MFSD11: variants seen among roughly 807,000 people sequenced by gnomAD.
MFSD11 encodes UNC93-like protein MFSD11.
Under a neutral mutation model 53.5 loss-of-function variants are expected in MFSD11, and 36 were observed. The ratio of observed to expected loss-of-function variants is 0.67; its 90% CI spans 0.52 to 0.89. The LOEUF (loss-of-function observed/expected upper bound fraction) is 0.89. Among genes scored for constraint, MFSD11 ranks in the 40% least tolerant of loss-of-function variants. The pLI is 0.00. For missense variants in MFSD11, 530 were observed against 543.9 expected (o/e 0.97, Z 0.25); for synonymous variants, 186 against 184.9 (o/e 1.01, Z -0.05).
At chr17:76,738,047 C>G (rs1025973014), upstream of MFSD11, 4 of 398,828 alleles carry the variant, frequency 1.0e-5, no homozygotes, top group African/African-American at 4.1e-5. Context: ...GCGGCTGGCA[C>G]TTGGCCCTTT....
chr17:76,772,847 G>GA (rs2081490715), intron 10 of MFSD11, among the ~76,000 whole-genome samples: 2 of 152,130 alleles, frequency 1.3e-5, no homozygotes, highest in Non-Finnish European at 2.9e-5. Flanking sequence ...TTTGTTCTTA[G>GA]ATGTAGTTCA....
At chr17:76,763,271 G>T (rs1255025902) in intron 8 of MFSD11, among the ~76,000 whole-genome samples, 5 of 144,436 alleles carry the variant, frequency 3.5e-5, no homozygotes, top group Admixed American at 2.1e-4. Context: ...TTTGTTTTTT[G>T]TTTTTTTTTT....
chr17:76,773,976 A>C (rs1014023645), intron 10 of MFSD11, among the ~76,000 whole-genome samples: 7 of 151,648 alleles, frequency 4.6e-5, no homozygotes, highest in African/African-American at 1.5e-4. Context: ...CCCGTGCTGG[A>C]GTGCAATGAC....
At position 76,776,364 on chromosome 17, in the gene MFSD11, A is replaced by G; in HGVS notation, c.1050-42A>G. 1.2e-6 allele frequency: 2 copies of G among 1,605,300 alleles called. No homozygotes were observed. Among genetic ancestry groups the G allele is most frequent in the Non-Finnish European group, 1.7e-6 (2 of 1,176,680 alleles). Reference sequence around the variant, plus strand: ...TTGCTTGTATATTTTAAATGGCTCTAGCAGATATTGCTCATACTAAATTGA... The same window carrying G: ...TTGCTTGTATATTTTAAATGGCTCTGGCAGATATTGCTCATACTAAATTGA... On this transcript the variant is annotated intron_variant, in intron 11 of 12. Coordinates refer to ENST00000685175, the MANE Select transcript of MFSD11 (RefSeq NM_001242532.5). This position sits in a 1 kb window ranked among gnomAD's most constrained non-coding sequence, Gnocchi z 4.2.
At chr17:76,737,441 G>C (rs906687871), upstream of MFSD11, 8 of 406,900 alleles carry the variant, frequency 2.0e-5, no homozygotes, top group Non-Finnish European at 3.5e-5. Flanking sequence ...GCTTCGTAAC[G>C]ACCCTGCCGC....
the MFSD11 span, among the ~76,000 whole-genome samples, chr17:76,794,444 T>C: frequency 1.4e-5 from 2 of 145,174 alleles, no homozygotes; most frequent in Non-Finnish European, 3.0e-5. Flanking sequence ...GCCACTGCAC[T>C]CCAGCCTGGG....
At position 76,775,933 on chromosome 17, in the gene MFSD11, A is replaced by C. The variant is rs949612736; in HGVS notation, c.1050-473A>C. On this transcript the variant is annotated intron_variant, in intron 11 of 12. Transcript: ENST00000685175. The stretch of plus-strand genomic sequence containing the variant: ...TGTAAAGGTGTGTGCATTTGAGCAA[A>C]AATTCTTACTTTGTAAATTCTAGTC... Among the ~76,000 whole-genome samples the C allele has an allele frequency of 2.6e-5, 4 of 152,132 alleles. 1 individual carries two copies. In the South Asian group the frequency reaches 6.2e-4, roughly 24 times the overall value.
intron 7 of MFSD11, among the ~76,000 whole-genome samples, chr17:76,753,235 G>A (rs998872003): frequency 3.0e-4 from 45 of 152,014 alleles, no homozygotes; most frequent in African/African-American, 1.0e-3. Context: ...CTTCAAGAAA[G>A]CCTTCATGAT....
In MFSD11 at chr17:76,779,180, G is replaced by C. The variant is rs571334039; in HGVS notation, c.*828G>C. 48 of 150,876 alleles carry C rather than the reference G, an allele frequency of 3.2e-4. No individual in the cohort carries two copies. The highest frequency in any genetic ancestry group is 9.8e-4 in the African/African-American group (40 of 41,018). The allele number at this position is 150,876 out of a possible 1,614,324, so 9.3% of individuals were successfully genotyped here. ...AGGTAAGAGAATTCGCTTGAACCTG[G>C]GAGGCGGAGGTTGCAGTGAGCCGAG... On this transcript the variant is annotated 3_prime_UTR_variant, in exon 13 of 13. Coordinates refer to ENST00000685175, the MANE Select transcript of MFSD11 (RefSeq NM_001242532.5).
In MFSD11 at chr17:76,769,819, G is replaced by GAA; in HGVS notation, c.825_826dup (p.Ser276LysfsTer17). On this transcript the variant is annotated frameshift_variant, in exon 10 of 13. Transcript: ENST00000685175. LOFTEE classifies it high-confidence loss of function. ...CTACAAATAAATTTGGAGCAGAAGA[G>GAA]AAAAGCCTTATTGGACTTTCTGGCA... 6.2e-7 allele frequency: 1 copy of GAA among 1,613,164 alleles called. No homozygotes were observed. Among genetic ancestry groups the GAA allele is most frequent in the Non-Finnish European group, 8.5e-7 (1 of 1,179,760 alleles).
chr17:76,797,861 C>T, the MFSD11 span, among the ~76,000 whole-genome samples: 12 of 151,174 alleles, frequency 7.9e-5, no homozygotes, highest in Non-Finnish European at 1.5e-4. Flanking sequence ...TGATAATTTG[C>T]TAGAATGGCT....
chr17:76,747,580 G>A (rs893348429), intron 7 of MFSD11, among the ~76,000 whole-genome samples: 13 of 151,944 alleles, frequency 8.6e-5, no homozygotes, highest in African/African-American at 2.4e-4. Flanking sequence ...TGATCCACCC[G>A]CCTTGGCCTC....
chr17:76,756,945 A>AT (rs1284869693), intron 8 of MFSD11, among the ~76,000 whole-genome samples: 1 of 152,070 alleles, frequency 6.6e-6, no homozygotes, highest in Non-Finnish European at 1.5e-5. Context: ...AGAAATGGCA[A>AT]TTTAACCATT....
At chr17:76,802,505 G>A in the MFSD11 span, among the ~76,000 whole-genome samples, 1 of 152,124 alleles carries the variant, frequency 6.6e-6, no homozygotes, top group Non-Finnish European at 1.5e-5. Context: ...TGAGTGTTCC[G>A]AGCAGCGTTA....
At position 76,778,666 on chromosome 17, in the gene MFSD11, G is replaced by T; in HGVS notation, c.*314G>T. On this transcript the variant is annotated 3_prime_UTR_variant, in exon 13 of 13. Coordinates refer to ENST00000685175, the MANE Select transcript of MFSD11 (RefSeq NM_001242532.5). ...TTTTCTTCTCTCTCCTGCTCTTGTT[G>T]GAAGATCCTGCCTTGATTTAGAATA... 4.0e-6 allele frequency: 1 copy of T among 251,174 alleles called. No individual in the cohort carries two copies. The highest frequency in any genetic ancestry group is 7.7e-6 in the Non-Finnish European group (1 of 130,374). The allele number at this position is 251,174 out of a possible 1,614,324, so 15.6% of individuals were successfully genotyped here.
At chr17:76,752,333 G>T (rs2079125907) in intron 7 of MFSD11, among the ~76,000 whole-genome samples, 1 of 151,848 alleles carries the variant, frequency 6.6e-6, no homozygotes, top group South Asian at 2.1e-4. Context: ...TTAAGCTTTG[G>T]AGCATGATTT....
At chr17:76,793,267 C>T in the MFSD11 span, among the ~76,000 whole-genome samples, 1 of 151,382 alleles carries the variant, frequency 6.6e-6, no homozygotes, top group South Asian at 2.1e-4. Context: ...CAGTTTCGAC[C>T]ATAGAAGATG....
chr17:76,790,936 A>G, the MFSD11 span, among the ~76,000 whole-genome samples: 26 of 143,146 alleles, frequency 1.8e-4, 2 homozygotes, highest in South Asian at 2.3e-4. Context: ...GCCAGACTCC[A>G]TCTCAAAAAA....
At chr17:76,755,782 G>GTATACATACATATA (rs1234863900) in intron 8 of MFSD11, among the ~76,000 whole-genome samples, 2 of 29,152 alleles carry the variant, frequency 6.9e-5, no homozygotes, top group Non-Finnish European at 2.0e-4. Context: ...GTGTGTGTGT[G>GTATACATACATATA]TGTGTATACA....
Sources: allele counts gnomAD v4.1 joint callset (sites outside exome capture counted in the v4.1 genomes callset), GRCh38; gene constraint gnomAD v4.1.1; non-coding constraint Gnocchi (gnomAD v3.1); transcripts MANE v1.5; gene names NCBI Gene and HGNC (gene_info 2026-07-23, HGNC 2026-07-21).